TMEM131: variants seen among roughly 807,000 people sequenced by gnomAD.
The protein encoded by TMEM131 is 2610524E03Rik.
In TMEM131, 66 loss-of-function variants were observed where a neutral mutation model predicts 211.6. That is an observed-to-expected ratio of 0.31 (90% confidence interval 0.26 to 0.38). The LOEUF is 0.38. Ranked by LOEUF, TMEM131 falls within the 10% of genes least tolerant of loss-of-function variation. The pLI, the probability that TMEM131 is intolerant of heterozygous loss-of-function variation, is 1.00. For synonymous variants in TMEM131, 844 were observed against 841.3 expected (o/e 1.00, Z -0.06); for missense variants, 2,036 against 2,299.3 (o/e 0.89, Z 2.34).
chr2:97,864,202 G>A (rs566766468), intron 4 of TMEM131, among the ~76,000 whole-genome samples: 6 of 152,284 alleles, frequency 3.9e-5, no homozygotes, highest in African/African-American at 1.4e-4. Flanking sequence ...GAGATAGAGA[G>A]TAGGAGGATG....
At chr2:97,818,799 T>C in intron 11 of TMEM131, 78 bp from the exon 12 acceptor site, 2 of 961,476 alleles carry the variant, frequency 2.1e-6, no homozygotes, top group South Asian at 1.8e-5. Context: ...TACTGGAAAG[T>C]ATACTGGAAA....
At chr2:97,951,354 C>A (rs890631483) in intron 1 of TMEM131, among the ~76,000 whole-genome samples, 1 of 152,124 alleles carries the variant, frequency 6.6e-6, no homozygotes, top group East Asian at 1.9e-4. Context: ...TGCCACACAG[C>A]GGGGTGGAAG....
intron 4 of TMEM131, among the ~76,000 whole-genome samples, chr2:97,870,707 GC>G: frequency 6.6e-6 from 1 of 152,336 alleles, no homozygotes; most frequent in Non-Finnish European, 1.5e-5. Context: ...CTTAGCAACT[GC>G]CCTGAGGCAG....
In TMEM131 at chr2:97,772,281, CA is replaced by C; in HGVS notation, c.4448+15del. 6.3e-6 allele frequency: 10 copies of C among 1,594,668 alleles called. No homozygotes were observed. Among genetic ancestry groups the C allele is most frequent in the Non-Finnish European group, 6.8e-6 (8 of 1,175,454 alleles). The stretch of plus-strand genomic sequence containing the variant: ...TCTTTATAGACCTTATTTCTCTGTA[CA>C]CTTATTTCTCTCACCTGGGTTTCAC... On this transcript the variant is annotated intron_variant, in intron 33 of 40. Coordinates refer to ENST00000186436, the MANE Select transcript of TMEM131 (RefSeq NM_015348.2).
intron 1 of TMEM131, among the ~76,000 whole-genome samples, chr2:97,932,395 G>A (rs1503202): frequency 0.37 from 56,739 of 151,828 alleles, 11,713 homozygotes; most frequent in African/African-American, 0.52. Context: ...TGCCACATTA[G>A]AAGTACAAGG....
chr2:97,792,233 T>C (rs137971672), intron 31 of TMEM131, among the ~76,000 whole-genome samples, 153 bp downstream of exon 31: 24 of 152,380 alleles, frequency 1.6e-4, no homozygotes, highest in African/African-American at 5.8e-4. Flanking sequence ...TGCATTTTTA[T>C]GGAAAAGTTG....
At chr2:97,869,907 G>A (rs1470279119) in intron 4 of TMEM131, among the ~76,000 whole-genome samples, 2 of 152,182 alleles carry the variant, frequency 1.3e-5, no homozygotes, top group African/African-American at 4.8e-5. Flanking sequence ...GGTCTCACAA[G>A]GAAATGCAGG....
rs1680790648 is a variant in TMEM131, at chr2:97,796,846, T to C, written c.3011A>G (p.Asp1004Gly). The C allele has an allele frequency of 3.1e-6, 5 of 1,612,962 alleles. No homozygotes were observed. Among genetic ancestry groups the C allele is most frequent in the Non-Finnish European group, 2.5e-6 (3 of 1,179,522 alleles). ...TTGAAACTGTTAGGAAGACTTACTA[T>C]CTGTACAATCTTTTAACAATGCTTC... ...ITEALLKDCTDSLKLREPNFT... is the reference protein window; with the variant it reads ...ITEALLKDCTGSLKLREPNFT... The change falls in exon 27 of 41, where the codon GAT (aspartate) becomes GGT (glycine). Residue 1004 changes from aspartate (D) to glycine (G), a missense_variant and splice_region_variant. This residue lies in a region of TMEM131 where 1,623 missense variants were observed against 1,805.9 expected (regional missense o/e 0.90). Transcript: ENST00000186436.
chr2:97,850,111 CA>C (rs938723285), intron 5 of TMEM131, among the ~76,000 whole-genome samples: 1 of 150,834 alleles, frequency 6.6e-6, no homozygotes, highest in African/African-American at 2.4e-5. Context: ...ATGAAAAAAA[CA>C]AAACAAAACA....
At chr2:97,953,688 C>T (rs1678429741) in intron 1 of TMEM131, among the ~76,000 whole-genome samples, 1 of 152,186 alleles carries the variant, frequency 6.6e-6, no homozygotes, top group African/African-American at 2.4e-5. Context: ...GAACACTCCA[C>T]CCTACAACAG....
At chr2:97,869,281 A>G (rs1674396463) in intron 4 of TMEM131, among the ~76,000 whole-genome samples, 1 of 152,180 alleles carries the variant, frequency 6.6e-6, no homozygotes, top group South Asian at 2.1e-4. Context: ...ATCCTTCAAG[A>G]AGACAGGATT....
intron 7 of TMEM131, among the ~76,000 whole-genome samples, chr2:97,840,256 G>A (rs1248728559): frequency 1.3e-5 from 2 of 152,228 alleles, no homozygotes; most frequent in African/African-American, 4.8e-5. Flanking sequence ...TCCAAAGGCT[G>A]AAGAGAAAAG....
intron 1 of TMEM131, among the ~76,000 whole-genome samples, chr2:97,955,150 C>T (rs534159756): frequency 2.0e-5 from 3 of 151,374 alleles, no homozygotes; most frequent in South Asian, 2.1e-4. Context: ...AGAATTTATC[C>T]GAAATATGCA....
chr2:97,868,788 T>A lies in TMEM131; in HGVS notation c.360-9361A>T, dbSNP rs116210789. On this transcript the variant is annotated intron_variant, in intron 4 of 40. Transcript: ENST00000186436. ...TAAGAACATATTTGGAGTTAGACAG[T>A]AGAACTCCTCAAACCAAGAAGCACT... is the stretch of plus-strand genomic sequence containing the variant. Among the ~76,000 whole-genome samples the A allele has an allele frequency of 5.2e-3, 787 of 152,322 alleles. 6 individuals carry two copies. The highest frequency in any genetic ancestry group is 0.017 in the African/African-American group (726 of 41,562).
chr2:97,888,263 C>CT (rs1239627336), intron 3 of TMEM131, 143 bp from the exon 4 acceptor site: 4 of 564,464 alleles, frequency 7.1e-6, no homozygotes, highest in Non-Finnish European at 1.2e-5. Context: ...ATGTGCGTCA[C>CT]TTTTTAAATT....
chr2:97,988,536 G>T (rs1385795319), intron 1 of TMEM131, among the ~76,000 whole-genome samples: 1 of 151,990 alleles, frequency 6.6e-6, no homozygotes, highest in East Asian at 1.9e-4. Flanking sequence ...TCTGATAAGG[G>T]GTAATATCCA....
intron 6 of TMEM131, 142 bp from the exon 7 acceptor site, chr2:97,842,079 A>G (rs886384303): frequency 5.0e-6 from 4 of 795,634 alleles, no homozygotes; most frequent in African/African-American, 3.5e-5. Flanking sequence ...AAAAACCCCC[A>G]CAAATGTTGT....
chr2:97,790,639 T>G (rs185777348), intron 31 of TMEM131, among the ~76,000 whole-genome samples: 2 of 152,270 alleles, frequency 1.3e-5, no homozygotes, highest in Admixed American at 1.3e-4. Flanking sequence ...TGCCCAACTC[T>G]TTCTTTGTGA....
intron 31 of TMEM131, among the ~76,000 whole-genome samples, chr2:97,787,253 G>C (rs973972145): frequency 1.3e-5 from 2 of 152,234 alleles, no homozygotes; most frequent in Non-Finnish European, 2.9e-5. Context: ...TAGGTGCTCT[G>C]AATGAATCGT....
Sources: gnomAD v4.1 joint callset for allele counts (sites outside exome capture counted in the v4.1 genomes callset) on GRCh38, gnomAD v4.1.1 for gene constraint, gnomAD v4.1.1 regional missense constraint, MANE v1.5 for transcripts, NCBI Gene and HGNC (gene_info 2026-07-23, HGNC 2026-07-21) for gene names.